The following TGFBR1 variants were observed in gnomAD, a reference collection of about 807,000 sequenced individuals.
The protein encoded by TGFBR1 is TGF-beta receptor type-1.
TGFBR1 carries 20 observed loss-of-function variants against 55.1 expected under a neutral mutation model. The ratio of observed to expected loss-of-function variants is 0.36; its 90% CI spans 0.26 to 0.53. The LOEUF is 0.53. Ranked by LOEUF, TGFBR1 falls within the 20% of genes least tolerant of loss-of-function variation. The pLI is 0.91. For synonymous variants in TGFBR1, 220 were observed against 214.8 expected (o/e 1.02, Z -0.21); for missense variants, 385 against 617.6 (o/e 0.62, Z 3.99).
At chr9:99,140,319 A>T (rs1198010261) in intron 4 of TGFBR1, among the ~76,000 whole-genome samples, 1 of 152,048 alleles carries the variant, frequency 6.6e-6, no homozygotes, top group African/African-American at 2.4e-5. Flanking sequence ...GCCAGGCATG[A>T]TGGCAGGTGC....
chr9:99,151,634 T>A lies in TGFBR1; in HGVS notation c.*2329T>A. 1 of 229,510 alleles carries A rather than the reference T, an allele frequency of 4.4e-6. No homozygotes were observed. The highest frequency in any genetic ancestry group is 8.7e-6 in the Non-Finnish European group (1 of 115,540). 14.2% of individuals were successfully genotyped at this position (229,510 alleles called of 1,614,324 possible). Reference sequence around the variant, plus strand: ...AAAGATTGAGTTACAATTATACTTTTCTTACCTAAGTGGATAAAATGTACT... The same window carrying A: ...AAAGATTGAGTTACAATTATACTTTACTTACCTAAGTGGATAAAATGTACT... On this transcript the variant is annotated 3_prime_UTR_variant, in exon 9 of 9. Transcript: ENST00000374994.
chr9:99,142,601 T>A lies in TGFBR1; in HGVS notation c.871T>A (p.Tyr291Asn). The A allele has an allele frequency of 6.2e-7, 1 of 1,614,144 alleles. No individual in the cohort carries two copies. The highest frequency in any genetic ancestry group is 8.5e-7 in the Non-Finnish European group (1 of 1,179,968). ...DYHEHGSLFD[Y>N]LNRYTVTVEG... ...TCATGAGCATGGATCCCTTTTTGAT[T>A]ACTTAAACAGATACACAGTTACTGT... Residue 291 changes from tyrosine to asparagine, a missense_variant, in exon 5 of 9, where the codon TAC becomes AAC. By Grantham distance (143) the Tyr-to-Asn change is moderately radical. This residue lies in a region of TGFBR1 where 85 missense variants were observed against 228.4 expected (regional missense o/e 0.37). Coordinates refer to ENST00000374994, the MANE Select transcript of TGFBR1 (RefSeq NM_004612.4).
At position 99,151,402 on chromosome 9, in the gene TGFBR1, T is replaced by G. The variant is rs1197841532; in HGVS notation, c.*2097T>G. 9.1e-6 allele frequency: 2 copies of G among 218,778 alleles called. No homozygotes were observed. Among genetic ancestry groups the G allele is most frequent in the Non-Finnish European group, 1.8e-5 (2 of 111,536 alleles). The allele number at this position is 218,778 out of a possible 1,614,324, so 13.6% of individuals were successfully genotyped here. ...TTTGTGGGGGTTTTTTTTTTGTTTT[T>G]TTTTTTTTGTTGTTGTTTTTGGGCC... On this transcript the variant is annotated 3_prime_UTR_variant, in exon 9 of 9. Coordinates refer to ENST00000374994, the MANE Select transcript of TGFBR1 (RefSeq NM_004612.4).
chr9:99,115,974 A>G lies in TGFBR1; in HGVS notation c.97+10672A>G, dbSNP rs554319174. Reference sequence around the variant, plus strand: ...TTGCCAGTCCCACCAAAGCGTTGGCAGATTAACACAGCATTGTAGATTACT... The same window carrying G: ...TTGCCAGTCCCACCAAAGCGTTGGCGGATTAACACAGCATTGTAGATTACT... On this transcript the variant is annotated intron_variant, in intron 1 of 8. Transcript: ENST00000374994. 6.6e-5 allele frequency among the ~76,000 whole-genome samples: 10 copies of G among 152,316 alleles called. No individual in the cohort carries two copies. In the South Asian group the frequency reaches 1.9e-3, roughly 28 times the overall value.
chr9:99,106,783 T>G (rs189711690), intron 1 of TGFBR1, among the ~76,000 whole-genome samples: 1 of 152,338 alleles, frequency 6.6e-6, no homozygotes, highest in Non-Finnish European at 1.5e-5. Context: ...CAATTGGTCT[T>G]TATTATCCAC....
At chr9:99,115,809 A>G (rs1314394274) in intron 1 of TGFBR1, among the ~76,000 whole-genome samples, 2 of 152,166 alleles carry the variant, frequency 1.3e-5, no homozygotes, top group African/African-American at 4.8e-5. Context: ...CTTCAACAAT[A>G]ATTATATATA....
chr9:99,110,307 G>A (rs1474512581), intron 1 of TGFBR1, among the ~76,000 whole-genome samples: 4 of 152,178 alleles, frequency 2.6e-5, no homozygotes, highest in East Asian at 1.9e-4. Context: ...GCAAGAATAT[G>A]CTACATATTC....
intron 3 of TGFBR1, among the ~76,000 whole-genome samples, chr9:99,134,791 TTC>T (rs1311640069): frequency 2.5e-5 from 3 of 118,108 alleles, no homozygotes; most frequent in African/African-American, 6.3e-5. Context: ...AATGGAATAA[TTC>T]TGTTTCCATT....
Position 99,105,130 on chromosome 9 carries a change from G to A in TGFBR1, c.-76G>A. 1 of 1,053,350 alleles carries A rather than the reference G, an allele frequency of 9.5e-7. No individual in the cohort carries two copies. The allele number at this position is 1,053,350 out of a possible 1,614,324, so 65.3% of individuals were successfully genotyped here. A position where few individuals can be genotyped will look rare whatever the true frequency, so the allele number is the denominator to read the frequency against. ...GCCGCCGCGGCGGCTAGGGAGGTGG[G>A]GCGAGGCGAGGTTTGCTGGGGTGAG... On this transcript the variant is annotated 5_prime_UTR_variant, in exon 1 of 9. Transcript: ENST00000374994.
intron 1 of TGFBR1, among the ~76,000 whole-genome samples, chr9:99,124,367 T>A (rs551772323): frequency 6.6e-6 from 1 of 152,256 alleles, no homozygotes; most frequent in East Asian, 1.9e-4. Flanking sequence ...AGTGAATAAT[T>A]GCAGAATTAA....
At chr9:99,108,256 C>T (rs2118227314) in intron 1 of TGFBR1, among the ~76,000 whole-genome samples, 1 of 150,894 alleles carries the variant, frequency 6.6e-6, no homozygotes, top group East Asian at 2.0e-4. Flanking sequence ...GTCCTACCTT[C>T]ACCAGCAGTT....
intron 1 of TGFBR1, among the ~76,000 whole-genome samples, chr9:99,109,270 T>C (rs771327608): frequency 9.2e-5 from 14 of 152,130 alleles, no homozygotes; most frequent in Non-Finnish European, 1.6e-4. Flanking sequence ...TATATACTTA[T>C]TGATTGAGAA....
intron 7 of TGFBR1, 79 bp downstream of exon 7, chr9:99,146,688 GA>G: frequency 6.3e-7 from 1 of 1,594,998 alleles, no homozygotes; most frequent in South Asian, 1.1e-5. Flanking sequence ...TTAATTGAAT[GA>G]AATTATGTAC....
intron 1 of TGFBR1, among the ~76,000 whole-genome samples, chr9:99,128,402 A>G (rs1035830637): frequency 2.0e-5 from 3 of 150,994 alleles, no homozygotes; most frequent in African/African-American, 7.3e-5. Flanking sequence ...ATTAGCCTAC[A>G]CTTAATGGGT....
At position 99,152,161 on chromosome 9, in the gene TGFBR1, G is replaced by A. The variant is rs199736646; in HGVS notation, c.*2856G>A. 9.8e-6 allele frequency: 2 copies of A among 204,980 alleles called. No homozygotes were observed. The highest frequency in any genetic ancestry group is 6.0e-5 in the Admixed American group (1 of 16,772). 12.7% of individuals were successfully genotyped at this position (204,980 alleles called of 1,614,324 possible). ...CTGCTCTGGAGACCTAGAGTAAAAC[G>A]GCTGATGGAAGTTGTGGGACCCACT... On this transcript the variant is annotated 3_prime_UTR_variant, in exon 9 of 9. Transcript: ENST00000374994.
intron 7 of TGFBR1, among the ~76,000 whole-genome samples, chr9:99,147,051 A>G (rs1827817691): frequency 6.6e-6 from 1 of 152,116 alleles, no homozygotes; most frequent in African/African-American, 2.4e-5. Context: ...TGTATTCTAG[A>G]GTTAGTTTGT....
At chr9:99,106,168 C>G (rs1826409815) in intron 1 of TGFBR1, among the ~76,000 whole-genome samples, 1 of 152,254 alleles carries the variant, frequency 6.6e-6, no homozygotes, top group Non-Finnish European at 1.5e-5. Flanking sequence ...AGGAACATCA[C>G]TCACGTTGTT....
At chr9:99,133,282 C>T (rs11568768) in intron 3 of TGFBR1, among the ~76,000 whole-genome samples, 63 of 152,282 alleles carry the variant, frequency 4.1e-4, no homozygotes, top group African/African-American at 1.5e-3. Flanking sequence ...CATTTTCTCA[C>T]TTGAGAAAAA....
At chr9:99,115,643 A>G (rs150405219) in intron 1 of TGFBR1, among the ~76,000 whole-genome samples, 1 of 152,128 alleles carries the variant, frequency 6.6e-6, no homozygotes, top group Admixed American at 6.5e-5. Flanking sequence ...TTCATTTCCA[A>G]ATCAAACTAT....
Sources: gnomAD v4.1 joint callset for allele counts (sites outside exome capture counted in the v4.1 genomes callset) on GRCh38, gnomAD v4.1.1 for gene constraint, gnomAD v4.1.1 regional missense constraint, MANE v1.5 for transcripts, NCBI Gene and HGNC (gene_info 2026-07-23, HGNC 2026-07-21) for gene names.